The following KCNQ1 variants were observed in gnomAD, a reference collection of about 807,000 sequenced individuals.
The protein encoded by KCNQ1 is potassium voltage-gated channel subfamily KQT member 1.
Under a neutral mutation model 72.4 loss-of-function variants are expected in KCNQ1, and 49 were observed. The observed-to-expected ratio is 0.68, with a 90% CI of 0.54 to 0.86. The LOEUF (loss-of-function observed/expected upper bound fraction) is 0.86. KCNQ1 is among the 40% of genes least tolerant of loss of function. The pLI is 0.00. For synonymous variants in KCNQ1, 450 were observed against 412.6 expected, an observed-to-expected ratio of 1.09 and a Z score of -1.10; for missense variants, 790 against 945.1, an observed-to-expected ratio of 0.84 and a Z score of 2.15.
At chr11:2,665,099 G>C in intron 11 of KCNQ1, 1 of 398,546 alleles carries the variant, frequency 2.5e-6, no homozygotes, top group Non-Finnish European at 4.4e-6. Flanking sequence ...GAGATAAAGA[G>C]TGGCGTCGCT....
At chr11:2,551,566 G>A (rs11023261) in intron 2 of KCNQ1, among the ~76,000 whole-genome samples, 3,367 of 152,282 alleles carry the variant, frequency 0.022, 37 homozygotes, top group East Asian at 0.045. Context: ...TGAATATTGC[G>A]TGCAGTTTTT....
rs940751723 is a variant in KCNQ1 at position 2,497,151 on chromosome 11, G to C, written c.387-30777G>C. Among the ~76,000 whole-genome samples, 1 of 152,118 alleles carries C rather than the reference G, an allele frequency of 6.6e-6. No individual in the cohort carries two copies. Among genetic ancestry groups the C allele is most frequent in the African/African-American group, 2.4e-5 (1 of 41,422 alleles). ...TCTGACAATTATATGTCTTGGGGTT[G>C]CTCTTCTTGAGGAGTATCTTAGTGG... On this transcript the variant is annotated intron_variant, in intron 1 of 15. Coordinates refer to ENST00000155840, the MANE Select transcript of KCNQ1 (RefSeq NM_000218.3). This position sits in a 1 kb window ranked among gnomAD's most constrained non-coding sequence, Gnocchi z 4.5.
chr11:2,778,795 G>A (rs1029815344), intron 15 of KCNQ1, among the ~76,000 whole-genome samples: 1 of 152,218 alleles, frequency 6.6e-6, no homozygotes, highest in African/African-American at 2.4e-5. Flanking sequence ...GTTTCAGTTG[G>A]GCAGGGAGTG....
intron 8 of KCNQ1, among the ~76,000 whole-genome samples, chr11:2,585,577 C>T (rs1848581861): frequency 2.0e-5 from 3 of 152,210 alleles, no homozygotes; most frequent in South Asian, 2.1e-4. Context: ...CAGGAGTGGA[C>T]GTGGTTGGCT....
rs1720352014 is a variant in KCNQ1 at position 2,579,540 on chromosome 11, T to TG, written c.922-3894dup. Among the ~76,000 whole-genome samples, 1 of 152,200 alleles carries TG rather than the reference T, an allele frequency of 6.6e-6. No individual in the cohort carries two copies. Among genetic ancestry groups the TG allele is most frequent in the African/African-American group, 2.4e-5 (1 of 41,442 alleles). ...TAAAACAGCCCATTCCTGAGCTGCC[T>TG]GTGTCTGAATGCAGGAAAAACAAAC... On this transcript the variant is annotated intron_variant, in intron 6 of 15. Transcript: ENST00000155840. The surrounding 1 kb of genome is among the most constrained non-coding windows in gnomAD (Gnocchi z 6.0).
chr11:2,618,134 C>G (rs2133800031), intron 10 of KCNQ1: 1 of 398,394 alleles, frequency 2.5e-6, no homozygotes, highest in Non-Finnish European at 4.4e-6. Flanking sequence ...CCTATGTTTT[C>G]TTCTGGTTGT....
rs1403711732 is a variant in KCNQ1 at position 2,679,599 on chromosome 11, A to G, written c.1514+17518A>G. 2 of 398,508 alleles carry G rather than the reference A, an allele frequency of 5.0e-6. No homozygotes were observed. Among genetic ancestry groups the G allele is most frequent in the Non-Finnish European group, 8.8e-6 (2 of 226,078 alleles). The allele number at this position is 398,508 out of a possible 1,614,324, so 24.7% of individuals were successfully genotyped here. A position where few individuals can be genotyped will look rare whatever the true frequency, so the allele number is the denominator to read the frequency against. ...ACAGTGCCTGACAAAGCTGATGGGG[A>G]GGCGAGTTGGAATGAATAGTATCAG... On this transcript the variant is annotated intron_variant, in intron 11 of 15. Coordinates refer to ENST00000155840, the MANE Select transcript of KCNQ1 (RefSeq NM_000218.3). The surrounding 1 kb of genome is among the most constrained non-coding windows in gnomAD (Gnocchi z 4.8).
Position 2,475,420 on chromosome 11 carries a change from A to G in KCNQ1, c.386+29936A>G, listed in dbSNP as rs1259709841. Reference sequence around the variant, plus strand: ...CTAGAGGCTCCTTCCTGAAAGCCTGATACTTAGAATGGATTTAAAAACAAA... The same window carrying G: ...CTAGAGGCTCCTTCCTGAAAGCCTGGTACTTAGAATGGATTTAAAAACAAA... On this transcript the variant is annotated intron_variant, in intron 1 of 15. Transcript: ENST00000155840. This position sits in a 1 kb window ranked among gnomAD's most constrained non-coding sequence, Gnocchi z 5.8. Among the ~76,000 whole-genome samples the G allele has an allele frequency of 1.3e-5, 2 of 152,336 alleles. No homozygotes were observed. Among genetic ancestry groups the G allele is most frequent in the South Asian group, 4.1e-4 (2 of 4,824 alleles).
At position 2,781,053 on chromosome 11, in the gene KCNQ1, G is replaced by GAGT. The variant is rs1193705791; in HGVS notation, c.1794+3017_1794+3019dup. Among the ~76,000 whole-genome samples the GAGT allele has an allele frequency of 2.0e-5, 3 of 152,056 alleles. No homozygotes were observed. The highest frequency in any genetic ancestry group is 7.2e-5 in the African/African-American group (3 of 41,398). ...GCAGATCCAGGGGCCTCCTCACAGC[G>GAGT]AGTCTACTTCCTGCGGGCCTCCCTC... On this transcript the variant is annotated intron_variant, in intron 15 of 15. Coordinates refer to ENST00000155840, the MANE Select transcript of KCNQ1 (RefSeq NM_000218.3). The surrounding 1 kb of genome is among the most constrained non-coding windows in gnomAD (Gnocchi z 6.6).
chr11:2,583,553 C>T lies in KCNQ1; in HGVS notation c.1032+8C>T, dbSNP rs2133751041. On this transcript the variant is annotated splice_region_variant and intron_variant, in intron 7 of 15. Coordinates refer to ENST00000155840, the MANE Select transcript of KCNQ1 (RefSeq NM_000218.3). ...TTCTTTGCGCTCCCAGCGGTAGGTG[C>T]CCCGTGGGTGCGTTTTCCCTGGCTC... 6.3e-7 allele frequency: 1 copy of T among 1,595,660 alleles called. No individual in the cohort carries two copies. The highest frequency in any genetic ancestry group is 8.6e-7 in the Non-Finnish European group (1 of 1,163,226).
At chr11:2,648,981 CTTTTTTT>C in intron 10 of KCNQ1, 83 of 312,512 alleles carry the variant, frequency 2.7e-4, no homozygotes, top group South Asian at 2.2e-3. Flanking sequence ...TTTTCTTTTT[CTTTTTTT>C]TTTTTTTTTT....
At chr11:2,555,269 C>A (rs920100276) in intron 2 of KCNQ1, among the ~76,000 whole-genome samples, 1 of 152,198 alleles carries the variant, frequency 6.6e-6, no homozygotes, top group Non-Finnish European at 1.5e-5. Context: ...CGGCTCCTGG[C>A]AGATAAAAAT....
At chr11:2,535,308 C>A (rs1847711654) in intron 2 of KCNQ1, among the ~76,000 whole-genome samples, 1 of 152,206 alleles carries the variant, frequency 6.6e-6, no homozygotes, top group Admixed American at 6.5e-5. Context: ...GCTGGGGACA[C>A]CCAGGTGGGC....
At position 2,523,210 on chromosome 11, in the gene KCNQ1, T is replaced by G. The variant is rs929075114; in HGVS notation, c.387-4718T>G. On this transcript the variant is annotated intron_variant, in intron 1 of 15. Coordinates refer to ENST00000155840, the MANE Select transcript of KCNQ1 (RefSeq NM_000218.3). ...TTAATTTAATTTAATTTTTTTTTTTTTGTGGTGGAGTCTTGCTCTGTCACC... is the reference window on the plus strand; with the variant it reads ...TTAATTTAATTTAATTTTTTTTTTTGTGTGGTGGAGTCTTGCTCTGTCACC... Among the ~76,000 whole-genome samples the G allele has an allele frequency of 7.9e-5, 12 of 151,566 alleles. No individual in the cohort carries two copies. The East Asian group carries it at 1.4e-3, about 17-fold the overall frequency.
chr11:2,452,283 C>T (rs1359705298), intron 1 of KCNQ1, among the ~76,000 whole-genome samples: 1 of 152,172 alleles, frequency 6.6e-6, no homozygotes, highest in Non-Finnish European at 1.5e-5. Flanking sequence ...AAGCAGGAAC[C>T]ACAGGCAGAG....
chr11:2,651,265 C>A lies in KCNQ1; in HGVS notation c.1394-10696C>A. On this transcript the variant is annotated intron_variant, in intron 10 of 15. Coordinates refer to ENST00000155840, the MANE Select transcript of KCNQ1 (RefSeq NM_000218.3). This position sits in a 1 kb window ranked among gnomAD's most constrained non-coding sequence, Gnocchi z 6.1. ...AATTCAGGAATTAAGCTGTGCTGGT[C>A]ACTTATTGAGAAAGAGCTTCATGGT... 5.0e-6 allele frequency: 2 copies of A among 398,544 alleles called. No homozygotes were observed. The highest frequency in any genetic ancestry group is 2.6e-4 in the South Asian group (2 of 7,766). The allele number at this position is 398,544 out of a possible 1,614,324, so 24.7% of individuals were successfully genotyped here. A position where few individuals can be genotyped will look rare whatever the true frequency, so the allele number is the denominator to read the frequency against.
intron 11 of KCNQ1, among the ~76,000 whole-genome samples, chr11:2,763,047 C>A (rs1846433521): frequency 6.6e-6 from 1 of 152,190 alleles, no homozygotes; most frequent in East Asian, 1.9e-4. Flanking sequence ...TTTAGAATCA[C>A]CTTGTCGGTT....
rs1454483923 is a variant in KCNQ1 at position 2,493,868 on chromosome 11, T to C, written c.387-34060T>C. ...TTCCATATGAAATTTAAAGTAGTTT[T>C]TTCTAATTCTGTGAAGAAAGTCAAT... On this transcript the variant is annotated intron_variant, in intron 1 of 15. Transcript: ENST00000155840. This position sits in a 1 kb window ranked among gnomAD's most constrained non-coding sequence, Gnocchi z 5.3. Among the ~76,000 whole-genome samples, 2 of 152,208 alleles carry C rather than the reference T, an allele frequency of 1.3e-5. No homozygotes were observed. Among genetic ancestry groups the C allele is most frequent in the African/African-American group, 4.8e-5 (2 of 41,458 alleles).
Position 2,723,298 on chromosome 11 carries a change from G to C in KCNQ1, c.1515-45546G>C, listed in dbSNP as rs1845703042. On this transcript the variant is annotated intron_variant, in intron 11 of 15. Transcript: ENST00000155840. The surrounding 1 kb of genome is among the most constrained non-coding windows in gnomAD (Gnocchi z 4.2). The stretch of plus-strand genomic sequence containing the variant: ...CCATTTACCGTTGGGGCAAGTGAGG[G>C]ACGAGGAGGCTCCGCAGCCTCCCCC... Among the ~76,000 whole-genome samples, 1 of 152,230 alleles carries C rather than the reference G, an allele frequency of 6.6e-6. No homozygotes were observed. The highest frequency in any genetic ancestry group is 1.5e-5 in the Non-Finnish European group (1 of 68,044).
Sources: gnomAD v4.1 joint callset for allele counts (sites outside exome capture counted in the v4.1 genomes callset) on GRCh38, gnomAD v4.1.1 for gene constraint, Gnocchi (gnomAD v3.1) non-coding constraint, MANE v1.5 for transcripts, NCBI Gene and HGNC (gene_info 2026-07-23, HGNC 2026-07-21) for gene names.